EXD3: variants seen among roughly 807,000 people sequenced by gnomAD.
EXD3 encodes the protein exonuclease 3'-5' domain containing 3.
Under a neutral mutation model 98.0 loss-of-function variants are expected in EXD3, and 92 were observed. That is an observed-to-expected ratio of 0.94 (90% CI 0.79 to 1.12). The LOEUF (loss-of-function observed/expected upper bound fraction) is 1.12, where lower values mean the gene tolerates loss of function less well. Ranked by LOEUF, EXD3 falls within the 50% of genes most tolerant of loss-of-function variation. EXD3 has a pLI of 0.00. For missense variants in EXD3, 1,222 were observed against 1,191.6 expected (o/e 1.03, Z -0.38); for synonymous variants, 569 against 526.0 (o/e 1.08, Z -1.12).
At chr9:137,391,518 C>T (rs1041211791) in intron 2 of EXD3, among the ~76,000 whole-genome samples, 5 of 152,190 alleles carry the variant, frequency 3.3e-5, no homozygotes, top group Admixed American at 2.0e-4. Flanking sequence ...GAACCCAGGC[C>T]GGCAGGCTTC....
At chr9:137,370,602 AG>A (rs1304873204) in intron 5 of EXD3, among the ~76,000 whole-genome samples, 6 of 128,356 alleles carry the variant, frequency 4.7e-5, no homozygotes, top group African/African-American at 1.6e-4. Flanking sequence ...TGCTGCTTTC[AG>A]GAAAAAAAAA....
At chr9:137,351,553 G>C (rs967422040) in intron 12 of EXD3, 25 bp from the exon 13 acceptor site, 1 of 1,558,364 alleles carries the variant, frequency 6.4e-7, no homozygotes, top group Non-Finnish European at 8.7e-7. Context: ...GGGCAGATGT[G>C]ATCATCAGGG....
intron 10 of EXD3, chr9:137,354,007 C>T (rs1040231167): frequency 2.6e-6 from 3 of 1,146,078 alleles, no homozygotes; most frequent in Non-Finnish European, 3.2e-6. Context: ...TCCGGCCTCG[C>T]CCAGGCGCCT....
At chr9:137,335,915 TA>T (rs905604568) in intron 17 of EXD3, among the ~76,000 whole-genome samples, 50 of 151,926 alleles carry the variant, frequency 3.3e-4, no homozygotes, top group African/African-American at 1.0e-3. Context: ...ATGAGTGGAT[TA>T]AAAAAATGTG....
At chr9:137,369,926 G>C (rs1168480270) in intron 5 of EXD3, among the ~76,000 whole-genome samples, 2 of 152,250 alleles carry the variant, frequency 1.3e-5, no homozygotes, top group African/African-American at 2.4e-5. Flanking sequence ...GCCTCTTGAG[G>C]CCAGGTGGGC....
intron 7 of EXD3, among the ~76,000 whole-genome samples, chr9:137,364,433 C>T (rs541239849): frequency 8.0e-4 from 122 of 152,012 alleles, no homozygotes; most frequent in Admixed American, 1.5e-3. Flanking sequence ...AGCAGCCTGG[C>T]CAACATGGTG....
At chr9:137,330,240 C>T (rs1588273819) in intron 17 of EXD3, among the ~76,000 whole-genome samples, 1 of 142,862 alleles carries the variant, frequency 7.0e-6, no homozygotes, top group South Asian at 2.3e-4. Flanking sequence ...CAGGACTACA[C>T]AGGAGCTACA....
At chr9:137,369,265 G>C (rs1238420812) in intron 5 of EXD3, among the ~76,000 whole-genome samples, 2 of 152,038 alleles carry the variant, frequency 1.3e-5, no homozygotes, top group Non-Finnish European at 2.9e-5. Flanking sequence ...GGGCGCAGGG[G>C]CCACCACATG....
chr9:137,384,950 G>A (rs1263738957), intron 2 of EXD3, among the ~76,000 whole-genome samples: 1 of 152,130 alleles, frequency 6.6e-6, no homozygotes, highest in African/African-American at 2.4e-5. Context: ...AAGCTAGCTG[G>A]GCATGGTGGC....
chr9:137,413,917 T>C (rs1031790270), intron 1 of EXD3, among the ~76,000 whole-genome samples: 4 of 151,450 alleles, frequency 2.6e-5, no homozygotes, highest in Non-Finnish European at 5.9e-5. Context: ...TGTTTTTTTT[T>C]TCTTTTTTTT....
Position 137,307,202 on chromosome 9 carries a change from CT to C in EXD3, c.2378del (p.Gln793ArgfsTer29). On this transcript the variant is annotated frameshift_variant, in exon 22 of 22. Transcript: ENST00000340951. LOFTEE classifies it low-confidence loss of function (END_TRUNC). ...CTYDRPCRWL[Q>X]MADLRAETPD... is the part of the protein sequence containing the mutation. The stretch of plus-strand genomic sequence containing the variant: ...GTGTCTCCGCCCGCAGGTCAGCCAT[CT>C]GCAGCCAGCGGCAGGGGCGGTCATA... 2.5e-6 allele frequency: 4 copies of C among 1,583,932 alleles called. No individual in the cohort carries two copies. The highest frequency in any genetic ancestry group is 3.4e-6 in the Non-Finnish European group (4 of 1,166,236).
intron 17 of EXD3, chr9:137,343,557 C>G (rs1219424039): frequency 3.8e-5 from 5 of 133,302 alleles, no homozygotes; most frequent in Non-Finnish European, 7.8e-5. Flanking sequence ...TGCAACATCT[C>G]ACCATGGACT....
At chr9:137,358,875 G>A (rs1356104313) in intron 7 of EXD3, among the ~76,000 whole-genome samples, 2 of 151,288 alleles carry the variant, frequency 1.3e-5, no homozygotes, top group East Asian at 2.0e-4. Context: ...TTGTAGAGAC[G>A]GGGTTTTGTC....
chr9:137,376,832 G>A (rs1341886709), intron 3 of EXD3, among the ~76,000 whole-genome samples: 1 of 151,690 alleles, frequency 6.6e-6, no homozygotes, highest in African/African-American at 2.4e-5. Flanking sequence ...GGGAGGCTGA[G>A]GCAGGAGAAT....
intron 6 of EXD3, chr9:137,367,453 C>G (rs1835322347): frequency 6.4e-6 from 1 of 157,392 alleles, no homozygotes; most frequent in Admixed American, 6.4e-5. Flanking sequence ...CCCTTGTGTC[C>G]CTGTGATGTG....
At chr9:137,315,634 GACACAAA>G (rs1187295006) in intron 19 of EXD3, among the ~76,000 whole-genome samples, 1 of 152,082 alleles carries the variant, frequency 6.6e-6, no homozygotes, top group African/African-American at 2.4e-5. Flanking sequence ...GGGGCAGCAG[GACACAAA>G]GCCCCGTAGT....
intron 1 of EXD3, among the ~76,000 whole-genome samples, chr9:137,418,731 AAG>A (rs1229353585): frequency 6.6e-6 from 1 of 152,130 alleles, no homozygotes; most frequent in Non-Finnish European, 1.5e-5. Flanking sequence ...GTGTAGTAAT[AAG>A]AGATTGTAAA....
intron 1 of EXD3, among the ~76,000 whole-genome samples, chr9:137,410,484 C>CAAAAA: frequency 1.4e-5 from 1 of 72,350 alleles, no homozygotes; most frequent in East Asian, 4.6e-4. Context: ...AACTCTGTCT[C>CAAAAA]AAAAAAAAAA....
At chr9:137,373,308 T>C in intron 4 of EXD3, 118 bp downstream of exon 4, 2 of 1,291,960 alleles carry the variant, frequency 1.5e-6, no homozygotes, top group Non-Finnish European at 2.1e-6. Flanking sequence ...AGCATCCCCC[T>C]CCCCTTCCCT....
Sources: gnomAD v4.1 joint callset for allele counts (sites outside exome capture counted in the v4.1 genomes callset) on GRCh38, gnomAD v4.1.1 for gene constraint, MANE v1.5 for transcripts, NCBI Gene and HGNC (gene_info 2026-07-23, HGNC 2026-07-21) for gene names.